The following CSMD1 variants were observed in gnomAD, a reference collection of about 807,000 sequenced individuals.
CSMD1 encodes the protein CUB and sushi domain-containing protein 1.
CSMD1 carries 213 observed loss-of-function variants against 417.5 expected under a neutral mutation model. That is an observed-to-expected ratio of 0.51 (90% CI 0.46 to 0.57). CSMD1 has a LOEUF of 0.57. Among genes scored for constraint, CSMD1 ranks in the 20% least tolerant of loss-of-function variants. The pLI is 0.00. For missense variants in CSMD1, 6,923 were observed against 4,529.7 expected, an observed-to-expected ratio of 1.53 and a Z score of -15.17; for synonymous variants, 2,862 against 1,736.8, an observed-to-expected ratio of 1.65 and a Z score of -16.11.
chr8:2,992,473 G>A (rs925044102), intron 54 of CSMD1, among the ~76,000 whole-genome samples: 1 of 152,006 alleles, frequency 6.6e-6, no homozygotes, highest in African/African-American at 2.4e-5. Flanking sequence ...AGTCAGGCTG[G>A]AGTGCAGTGG....
intron 1 of CSMD1, among the ~76,000 whole-genome samples, chr8:4,922,566 A>C (rs1391095814): frequency 6.6e-6 from 1 of 152,136 alleles, no homozygotes; most frequent in Non-Finnish European, 1.5e-5. Context: ...CACATATTAC[A>C]TTTGTTTTCT....
intron 5 of CSMD1, among the ~76,000 whole-genome samples, chr8:3,763,937 T>A (rs6992162): frequency 6.6e-6 from 1 of 152,100 alleles, no homozygotes; most frequent in East Asian, 1.9e-4. Context: ...AATCAAAAGA[T>A]CCCATAACTC....
At chr8:3,113,390 G>A (rs975147520) in intron 42 of CSMD1, 5 of 152,286 alleles carry the variant, frequency 3.3e-5, no homozygotes. Context: ...GGGAGAGAGC[G>A]TTGCTGGGCA....
intron 5 of CSMD1, among the ~76,000 whole-genome samples, chr8:3,891,517 TCA>T (rs1004610107): frequency 4.0e-5 from 6 of 151,822 alleles, no homozygotes; most frequent in African/African-American, 1.5e-4. Flanking sequence ...CCATGCCTAA[TCA>T]CACACACACA....
chr8:4,353,586 T>C (rs1209996735), intron 3 of CSMD1, among the ~76,000 whole-genome samples: 1 of 151,884 alleles, frequency 6.6e-6, no homozygotes, highest in Non-Finnish European at 1.5e-5. Context: ...AAGTAGCATA[T>C]CCTGAAGCAC....
At chr8:3,039,830 C>G (rs1384732389) in intron 50 of CSMD1, among the ~76,000 whole-genome samples, 1 of 152,172 alleles carries the variant, frequency 6.6e-6, no homozygotes, top group Non-Finnish European at 1.5e-5. Context: ...GCTCGTTTAG[C>G]ACTGATACAT....
intron 3 of CSMD1, among the ~76,000 whole-genome samples, chr8:4,222,839 A>G (rs1801122351): frequency 6.6e-6 from 1 of 152,196 alleles, no homozygotes; most frequent in African/African-American, 2.4e-5. Flanking sequence ...GTCGCTGAAA[A>G]TACCATGAGG....
At chr8:4,027,051 A>T (rs1048642819) in intron 4 of CSMD1, among the ~76,000 whole-genome samples, 1 of 152,222 alleles carries the variant, frequency 6.6e-6, no homozygotes, top group Admixed American at 6.5e-5. Context: ...CTTGGAAAAG[A>T]AGCAGATAGT....
intron 3 of CSMD1, among the ~76,000 whole-genome samples, chr8:4,143,168 G>C (rs1335203495): frequency 1.5e-4 from 22 of 151,068 alleles, no homozygotes; most frequent in Admixed American, 6.6e-4. Context: ...GCAAATGTGA[G>C]TGTTCAAAAC....
chr8:4,957,601 A>T (rs1423384864), intron 1 of CSMD1, among the ~76,000 whole-genome samples: 1 of 152,214 alleles, frequency 6.6e-6, no homozygotes, highest in East Asian at 1.9e-4. Flanking sequence ...AAAGATCCTC[A>T]TATGAAAGAA....
chr8:4,013,630 G>T (rs1412757076), intron 4 of CSMD1, among the ~76,000 whole-genome samples: 1 of 152,138 alleles, frequency 6.6e-6, no homozygotes, highest in Non-Finnish European at 1.5e-5. Flanking sequence ...GCTTATTTAT[G>T]TTATCTATCT....
intron 21 of CSMD1, among the ~76,000 whole-genome samples, chr8:3,350,779 T>G (rs536830027): frequency 1.3e-5 from 2 of 152,254 alleles, no homozygotes; most frequent in African/African-American, 4.8e-5. Flanking sequence ...TTTGTATCCA[T>G]GTGAAGAAAA....
intron 49 of CSMD1, among the ~76,000 whole-genome samples, chr8:3,072,344 A>G (rs991373078): frequency 2.0e-5 from 3 of 152,256 alleles, no homozygotes; most frequent in African/African-American, 7.2e-5. Flanking sequence ...AATTAGAATC[A>G]ACAATGAAGA....
At chr8:4,296,912 C>T (rs1488143410) in intron 3 of CSMD1, among the ~76,000 whole-genome samples, 1 of 152,026 alleles carries the variant, frequency 6.6e-6, no homozygotes, top group Non-Finnish European at 1.5e-5. Flanking sequence ...GATTATATTC[C>T]TGTGCATGAG....
chr8:4,938,137 T>C (rs1807747616), intron 1 of CSMD1, among the ~76,000 whole-genome samples: 1 of 152,178 alleles, frequency 6.6e-6, no homozygotes, highest in African/African-American at 2.4e-5. Context: ...TACCCATTGG[T>C]GCACTGATGT....
intron 1 of CSMD1, among the ~76,000 whole-genome samples, chr8:4,879,169 A>T (rs1367344218): frequency 6.6e-6 from 1 of 152,046 alleles, no homozygotes; most frequent in East Asian, 1.9e-4. Flanking sequence ...ATAATAAAGG[A>T]AGGAGAATAG....
intron 3 of CSMD1, among the ~76,000 whole-genome samples, chr8:4,342,389 G>T (rs62480610): frequency 0.84 from 127,501 of 152,084 alleles, 53,669 homozygotes; most frequent in African/African-American, 0.9. Flanking sequence ...GTTTATTATA[G>T]TATAAATGTG....
intron 12 of CSMD1, among the ~76,000 whole-genome samples, chr8:3,416,151 A>G (rs1012354729): frequency 2.3e-5 from 3 of 128,592 alleles, no homozygotes; most frequent in Non-Finnish European, 4.9e-5. Context: ...AATACAAAAA[A>G]TTAGCCGGGC....
intron 2 of CSMD1, among the ~76,000 whole-genome samples, chr8:4,507,513 T>C (rs190582315): frequency 1.3e-5 from 2 of 152,322 alleles, no homozygotes; most frequent in Admixed American, 1.3e-4. Flanking sequence ...TAGAGGCTTA[T>C]GATTTTTAGG....
Sources: gnomAD v4.1 joint callset for allele counts (sites outside exome capture counted in the v4.1 genomes callset) on GRCh38, gnomAD v4.1.1 for gene constraint, MANE v1.5 for transcripts, NCBI Gene and HGNC (gene_info 2026-07-23, HGNC 2026-07-21) for gene names.